The following MME variants were observed in gnomAD, a reference collection of about 807,000 sequenced individuals.
MME encodes membrane metalloendopeptidase.
In MME, 98 loss-of-function variants were observed where a neutral mutation model predicts 113.2. That is an observed-to-expected ratio of 0.87 (90% confidence interval 0.74 to 1.02). The LOEUF (loss-of-function observed/expected upper bound fraction) is 1.02. Ranked by LOEUF, MME falls within the 50% of genes least tolerant of loss-of-function variation. MME has a pLI of 0.00. For synonymous variants in MME, 292 were observed against 300.6 expected (o/e 0.97, Z 0.30); for missense variants, 836 against 896.0 (o/e 0.93, Z 0.86).
chr3:155,088,492 T>C (rs537076069), intron 3 of MME, among the ~76,000 whole-genome samples: 1 of 152,184 alleles, frequency 6.6e-6, no homozygotes, highest in East Asian at 1.9e-4. Context: ...AAGACCAGCC[T>C]GACCAACATG....
intron 8 of MME, among the ~76,000 whole-genome samples, chr3:155,130,956 G>A (rs1720100956): frequency 6.6e-6 from 1 of 152,046 alleles, no homozygotes; most frequent in Non-Finnish European, 1.5e-5. Flanking sequence ...TGTTCTCATG[G>A]AACTCATGTT....
At chr3:155,092,191 T>A (rs1489025774) in intron 3 of MME, among the ~76,000 whole-genome samples, 1 of 152,186 alleles carries the variant, frequency 6.6e-6, no homozygotes, top group Non-Finnish European at 1.5e-5. Context: ...ATGCCACTCT[T>A]TTCCATAAAC....
chr3:155,074,072 A>T (rs1218785679), intron 1 of MME, among the ~76,000 whole-genome samples: 4 of 150,324 alleles, frequency 2.7e-5, no homozygotes, highest in East Asian at 3.9e-4. Flanking sequence ...CTCTTTTCCA[A>T]CTACACCATC....
chr3:155,118,829 A>G lies in MME; in HGVS notation c.720+18A>G, dbSNP rs1219464170. ...ATAAAGAGGTAAAAAGAAAAAAAAT[A>G]ATCAAAACCAAACTACAAAATGATC... is the stretch of plus-strand genomic sequence containing the variant. On this transcript the variant is annotated intron_variant, in intron 8 of 22. Transcript: ENST00000360490. The G allele has an allele frequency of 6.8e-7, 1 of 1,460,196 alleles. No homozygotes were observed. Among genetic ancestry groups the G allele is most frequent in the African/African-American group, 1.4e-5 (1 of 71,262 alleles). 90.5% of individuals were successfully genotyped at this position (1,460,196 alleles called of 1,614,324 possible). A position where few individuals can be genotyped will look rare whatever the true frequency, so the allele number is the denominator to read the frequency against.
intron 1 of MME, among the ~76,000 whole-genome samples, chr3:155,042,146 C>T (rs1003157434): frequency 6.6e-6 from 1 of 152,160 alleles, no homozygotes; most frequent in Non-Finnish European, 1.5e-5. Flanking sequence ...AGATAATGTG[C>T]ACAAACACTC....
intron 8 of MME, among the ~76,000 whole-genome samples, chr3:155,137,155 G>C (rs991065479): frequency 6.6e-6 from 1 of 152,074 alleles, no homozygotes; most frequent in Non-Finnish European, 1.5e-5. Context: ...TAAATAATTT[G>C]AGTTATCAGA....
chr3:155,038,741 T>C (rs1713211010), intron 1 of MME, among the ~76,000 whole-genome samples: 1 of 152,158 alleles, frequency 6.6e-6, no homozygotes, highest in Admixed American at 6.5e-5. Flanking sequence ...GACTCATGCT[T>C]ACCATAGATC....
intron 3 of MME, among the ~76,000 whole-genome samples, chr3:155,113,894 T>C (rs2108248157): frequency 6.6e-6 from 1 of 152,226 alleles, no homozygotes; most frequent in East Asian, 1.9e-4. Flanking sequence ...GTCCTGAGCG[T>C]TTTGTTTTAA....
intron 1 of MME, among the ~76,000 whole-genome samples, chr3:155,035,015 C>T (rs1713084916): frequency 6.6e-6 from 1 of 152,052 alleles, no homozygotes; most frequent in Admixed American, 6.6e-5. Context: ...AATGTACCAG[C>T]ACTCATACTA....
At chr3:155,127,829 A>G (rs1406530768) in intron 8 of MME, among the ~76,000 whole-genome samples, 1 of 152,212 alleles carries the variant, frequency 6.6e-6, no homozygotes, top group Non-Finnish European at 1.5e-5. Context: ...TCTTCATTCT[A>G]CTACATTATT....
intron 1 of MME, among the ~76,000 whole-genome samples, chr3:155,044,125 CT>C (rs5853709): frequency 0.025 from 2,266 of 89,258 alleles, 8 homozygotes; most frequent in African/African-American, 0.066. Flanking sequence ...CTTCCTTTTT[CT>C]TTTTTTTTTT....
At chr3:155,049,665 ATCTATC>A (rs763342609) in intron 1 of MME, among the ~76,000 whole-genome samples, 142 of 151,778 alleles carry the variant, frequency 9.4e-4, no homozygotes, top group African/African-American at 2.9e-3. Context: ...CTATCTATCT[ATCTATC>A]TATATATAGA....
intron 12 of MME, 66 bp from the exon 13 acceptor site, chr3:155,143,377 T>C: frequency 1.3e-6 from 2 of 1,574,746 alleles, no homozygotes; most frequent in East Asian, 4.6e-5. Flanking sequence ...TTGTGAAATG[T>C]GTGCTCTTAA....
chr3:155,139,899 G>A (rs1314539232), intron 9 of MME, among the ~76,000 whole-genome samples: 1 of 152,118 alleles, frequency 6.6e-6, no homozygotes, highest in Non-Finnish European at 1.5e-5. Flanking sequence ...CTGGCCATTA[G>A]CCATAGCTCA....
chr3:155,155,706 T>C (rs1325609779), intron 16 of MME, among the ~76,000 whole-genome samples: 2 of 152,218 alleles, frequency 1.3e-5, no homozygotes, highest in Non-Finnish European at 2.9e-5. Context: ...TTCAGTTCTT[T>C]CCTGGAAGTT....
chr3:155,043,070 T>C (rs1230951076), intron 1 of MME, among the ~76,000 whole-genome samples: 1 of 148,488 alleles, frequency 6.7e-6, no homozygotes, highest in Non-Finnish European at 1.5e-5. Context: ...ATGCTTAGAG[T>C]CTTTTTATGG....
chr3:155,057,919 A>G (rs554295128), intron 1 of MME, among the ~76,000 whole-genome samples: 1 of 152,224 alleles, frequency 6.6e-6, no homozygotes, highest in East Asian at 1.9e-4. Flanking sequence ...ATACTAAATT[A>G]TTCTTTTGTA....
chr3:155,110,412 G>A (rs1718094277), intron 3 of MME, among the ~76,000 whole-genome samples: 2 of 152,158 alleles, frequency 1.3e-5, no homozygotes, highest in South Asian at 4.1e-4. Context: ...GTTTTTCCCA[G>A]CGTATACTAC....
chr3:155,054,740 C>T (rs974633492), intron 1 of MME, among the ~76,000 whole-genome samples: 2 of 152,106 alleles, frequency 1.3e-5, no homozygotes, highest in African/African-American at 2.4e-5. Flanking sequence ...TTGCTTGAAC[C>T]CAGGAGGCGG....
Sources: gnomAD v4.1 joint callset for allele counts (sites outside exome capture counted in the v4.1 genomes callset) on GRCh38, gnomAD v4.1.1 for gene constraint, MANE v1.5 for transcripts, NCBI Gene and HGNC (gene_info 2026-07-23, HGNC 2026-07-21) for gene names.